Variants in SASH1 observed in about 807,000 individuals in gnomAD.
SASH1 encodes SAM and SH3 domain containing 1.
A neutral mutation model predicts 125.2 loss-of-function variants in SASH1; 44 were observed. The ratio of observed to expected loss-of-function variants is 0.35; its 90% CI spans 0.28 to 0.45. SASH1 has a LOEUF of 0.45. Among genes scored for constraint, SASH1 ranks in the 20% least tolerant of loss-of-function variants. The pLI is 1.00. For synonymous variants in SASH1, 639 were observed against 649.1 expected, an observed-to-expected ratio of 0.98 and a Z score of 0.24; for missense variants, 1,426 against 1,614.5, an observed-to-expected ratio of 0.88 and a Z score of 2.00.
In SASH1 at chr6:148,377,470, G is replaced by A. The variant is rs528333180; in HGVS notation, c.157-12664G>A. Among the ~76,000 whole-genome samples the A allele has an allele frequency of 2.6e-5, 4 of 152,334 alleles. No individual in the cohort carries two copies. The East Asian group carries it at 7.7e-4, about 29-fold the overall frequency. On this transcript the variant is annotated intron_variant, in intron 1 of 19. Coordinates refer to ENST00000367467, the MANE Select transcript of SASH1 (RefSeq NM_015278.5). Reference sequence around the variant, plus strand: ...GAACTTTCCATTTATTCCTTTTGGTGTGGGAAATATCTTTGGATTCAGGAA... The same window carrying A: ...GAACTTTCCATTTATTCCTTTTGGTATGGGAAATATCTTTGGATTCAGGAA...
chr6:148,236,510 C>A, the SASH1 span, among the ~76,000 whole-genome samples: 5 of 152,288 alleles, frequency 3.3e-5, no homozygotes, highest in East Asian at 5.8e-4. Context: ...CCACACCCGG[C>A]CTCACACAGT....
At chr6:148,278,407 G>C (rs9497991) in intron 1 of SASH1, among the ~76,000 whole-genome samples, 3,738 of 152,076 alleles carry the variant, frequency 0.025, 169 homozygotes, top group African/African-American at 0.085. Flanking sequence ...CCTGGCTGGG[G>C]AACATCTTAC....
chr6:148,413,855 A>G (rs146164494), intron 2 of SASH1, among the ~76,000 whole-genome samples: 4 of 152,100 alleles, frequency 2.6e-5, no homozygotes, highest in South Asian at 4.2e-4. Flanking sequence ...ACCTGGTTGT[A>G]TGAACATGCC....
At position 148,335,258 on chromosome 6, in the gene SASH1, A is replaced by G. The variant is rs1442799724; in HGVS notation, n.75-54876A>G. Among the ~76,000 whole-genome samples the G allele has an allele frequency of 2.6e-5, 4 of 151,510 alleles. No homozygotes were observed. The East Asian group carries it at 5.9e-4, about 22-fold the overall frequency. Reference sequence around the variant, plus strand: ...GGTTGCAGTGAGCTGAGATCGCACCACTGCACTCCAGCTTGGGCAACAGAG... The same window carrying G: ...GGTTGCAGTGAGCTGAGATCGCACCGCTGCACTCCAGCTTGGGCAACAGAG... On this transcript the variant is annotated intron_variant and non_coding_transcript_variant, in intron 1 of 3. Coordinates refer to the SASH1 transcript ENST00000367469.
chr6:148,474,053 C>A (rs1035255912), intron 6 of SASH1, 57 bp from the exon 7 acceptor site: 1 of 1,048,884 alleles, frequency 9.5e-7, no homozygotes, highest in Non-Finnish European at 1.5e-6. Context: ...TCCGCATTGA[C>A]GTTCTGTTTC....
chr6:148,212,723 T>C, the SASH1 span, among the ~76,000 whole-genome samples: 1 of 152,216 alleles, frequency 6.6e-6, no homozygotes, highest in South Asian at 2.1e-4. Context: ...GGGGACTGTG[T>C]GTCATGCACT....
Position 148,396,162 on chromosome 6 carries a change from T to C in SASH1, c.285+5900T>C, listed in dbSNP as rs550873327. 9.5e-5 allele frequency among the ~76,000 whole-genome samples: 14 copies of C among 147,224 alleles called. No individual in the cohort carries two copies. In the East Asian group the frequency reaches 2.5e-3, roughly 26 times the overall value. On this transcript the variant is annotated intron_variant, in intron 2 of 19. Coordinates refer to ENST00000367467, the MANE Select transcript of SASH1 (RefSeq NM_015278.5). Reference sequence around the variant, plus strand: ...GGAATGTCAATAAAAATATTGCATATTATAACTGTGAAAGGTCATAGCAGG... The same window carrying C: ...GGAATGTCAATAAAAATATTGCATACTATAACTGTGAAAGGTCATAGCAGG...
At chr6:148,198,906 C>T in the SASH1 span, among the ~76,000 whole-genome samples, 4 of 152,196 alleles carry the variant, frequency 2.6e-5, no homozygotes, top group Admixed American at 6.5e-5. Context: ...CCCCTGTAGA[C>T]AGGGCAAGTA....
chr6:148,436,147 C>A (rs1776282475), intron 2 of SASH1, among the ~76,000 whole-genome samples: 1 of 152,156 alleles, frequency 6.6e-6, no homozygotes. Context: ...GGCACTCCCC[C>A]AGCTGAGAGA....
At chr6:148,428,070 A>G (rs1296277331) in intron 2 of SASH1, among the ~76,000 whole-genome samples, 1 of 152,204 alleles carries the variant, frequency 6.6e-6, no homozygotes, top group African/African-American at 2.4e-5. Context: ...AAGACATAAA[A>G]GTATAGTAAC....
intron 5 of SASH1, among the ~76,000 whole-genome samples, chr6:148,470,691 C>T (rs1039275042): frequency 2.0e-5 from 3 of 152,156 alleles, no homozygotes; most frequent in African/African-American, 4.8e-5. Flanking sequence ...TGGAAAGGAT[C>T]GGGGGTGCGG....
intron 1 of SASH1, among the ~76,000 whole-genome samples, chr6:148,359,299 C>T (rs1020533286): frequency 6.7e-6 from 1 of 150,046 alleles, no homozygotes; most frequent in Non-Finnish European, 1.5e-5. Flanking sequence ...GCTGGGATTA[C>T]AGGCATGAGC....
intron 4 of SASH1, among the ~76,000 whole-genome samples, chr6:148,466,226 C>G (rs1258039327): frequency 6.6e-6 from 1 of 152,210 alleles, no homozygotes; most frequent in East Asian, 1.9e-4. Flanking sequence ...AAAACTAGCT[C>G]TTGTCCTCTC....
At chr6:148,520,906 G>T (rs74686980) in intron 10 of SASH1, among the ~76,000 whole-genome samples, 1 of 152,090 alleles carries the variant, frequency 6.6e-6, no homozygotes, top group Admixed American at 6.5e-5. Context: ...CAGAAAGTTC[G>T]TAAATCTAAC....
chr6:148,400,147 T>C (rs1046929150), intron 2 of SASH1, among the ~76,000 whole-genome samples: 1 of 152,202 alleles, frequency 6.6e-6, no homozygotes, highest in African/African-American at 2.4e-5. Flanking sequence ...TGTAGCTGGA[T>C]CTATGTCATT....
intron 4 of SASH1, among the ~76,000 whole-genome samples, chr6:148,462,484 T>C (rs913540923): frequency 1.3e-5 from 2 of 152,148 alleles, no homozygotes; most frequent in African/African-American, 4.8e-5. Context: ...TATTTGTATA[T>C]AAACAGAAGA....
chr6:148,307,088 C>CT (rs1160840407), intron 1 of SASH1, among the ~76,000 whole-genome samples: 1 of 138,076 alleles, frequency 7.2e-6, no homozygotes, highest in South Asian at 2.2e-4. Flanking sequence ...TTCTTTCTTT[C>CT]TTTCTTTCTC....
Position 148,298,663 on chromosome 6 carries a change from GAGGGAGGA to G in SASH1, n.74+26290_74+26297del, listed in dbSNP as rs1238979264. 2.6e-4 allele frequency among the ~76,000 whole-genome samples: 23 copies of G among 90,162 alleles called. No individual in the cohort carries two copies. The East Asian group carries it at 3.9e-3, about 15-fold the overall frequency. The allele number at this position is 90,162 out of a possible 152,430, so 59.1% of individuals were successfully genotyped here. A position where few individuals can be genotyped will look rare whatever the true frequency, so the allele number is the denominator to read the frequency against. On this transcript the variant is annotated intron_variant and non_coding_transcript_variant, in intron 1 of 3. Transcript: ENST00000367469. The stretch of plus-strand genomic sequence containing the variant: ...GAAGGAAGGAAGGGAGGGAGGGAGG[GAGGGAGGA>G]AGGAAGGAAGGAAGGAAGGAAGGAA...
chr6:148,492,403 G>T (rs764900581), intron 8 of SASH1, among the ~76,000 whole-genome samples: 9 of 152,154 alleles, frequency 5.9e-5, no homozygotes, highest in Non-Finnish European at 1.2e-4. Context: ...ATTCATTTGG[G>T]AGACGTTTAT....
Sources: gnomAD v4.1 joint callset for allele counts (sites outside exome capture counted in the v4.1 genomes callset) on GRCh38, gnomAD v4.1.1 for gene constraint, MANE v1.5 for transcripts, NCBI Gene and HGNC (gene_info 2026-07-23, HGNC 2026-07-21) for gene names.